PRLR: variants seen among roughly 807,000 people sequenced by gnomAD.
The protein encoded by PRLR is hPRL receptor.
In PRLR, 13 loss-of-function variants were observed where a neutral mutation model predicts 40.2. The ratio of observed to expected loss-of-function variants is 0.32; its 90% CI spans 0.21 to 0.51. The LOEUF is 0.51. PRLR is among the 20% of genes least tolerant of loss of function. The pLI, the probability that PRLR is intolerant of heterozygous loss-of-function variation, is 0.97. For missense variants in PRLR, 656 were observed against 747.3 expected (o/e 0.88, Z 1.42); for synonymous variants, 269 against 278.7 (o/e 0.97, Z 0.35).
At chr5:35,077,396 T>C (rs1056904705) in intron 5 of PRLR, among the ~76,000 whole-genome samples, 4 of 151,264 alleles carry the variant, frequency 2.6e-5, no homozygotes, top group African/African-American at 4.9e-5. Context: ...AAAGCAGGGG[T>C]TGCAATCCTA....
chr5:35,155,697 T>C (rs968992409), intron 1 of PRLR, among the ~76,000 whole-genome samples: 4 of 152,190 alleles, frequency 2.6e-5, no homozygotes, highest in Non-Finnish European at 1.5e-5. Context: ...TTACCGGAGA[T>C]TCCAAAGCTA....
chr5:35,148,662 G>A (rs1195478383), intron 1 of PRLR, among the ~76,000 whole-genome samples: 1 of 152,052 alleles, frequency 6.6e-6, no homozygotes, highest in Non-Finnish European at 1.5e-5. Flanking sequence ...ATGAGCACCT[G>A]GTATGAAATA....
At chr5:35,141,811 C>T (rs568165582) in intron 1 of PRLR, among the ~76,000 whole-genome samples, 1 of 152,256 alleles carries the variant, frequency 6.6e-6, no homozygotes, top group Admixed American at 6.5e-5. Context: ...GCCCTCCCAC[C>T]CCCAACTCCT....
At chr5:35,074,767 AAAC>A (rs965545275) in intron 5 of PRLR, among the ~76,000 whole-genome samples, 1 of 152,074 alleles carries the variant, frequency 6.6e-6, no homozygotes, top group Non-Finnish European at 1.5e-5. Context: ...GCCACAATAA[AAAC>A]AAATGAAGTG....
chr5:35,120,523 G>A (rs1344699174), intron 1 of PRLR, among the ~76,000 whole-genome samples: 1 of 152,130 alleles, frequency 6.6e-6, no homozygotes, highest in African/African-American at 2.4e-5. Context: ...CCATTATGGG[G>A]TGGGGTCCCA....
chr5:35,116,415 C>A (rs891493114), intron 2 of PRLR, among the ~76,000 whole-genome samples: 1 of 152,128 alleles, frequency 6.6e-6, no homozygotes, highest in Non-Finnish European at 1.5e-5. Flanking sequence ...GAATATGTCT[C>A]AAATCTTTTG....
downstream of PRLR, among the ~76,000 whole-genome samples, chr5:35,052,374 A>G (rs1161517150): frequency 6.6e-6 from 1 of 152,228 alleles, no homozygotes; most frequent in African/African-American, 2.4e-5. Context: ...TGTAGAAAAA[A>G]ATTTGAGAAG....
chr5:35,108,313 C>T (rs1772410913), intron 2 of PRLR, among the ~76,000 whole-genome samples: 1 of 152,110 alleles, frequency 6.6e-6, no homozygotes. Flanking sequence ...AAAACTGGCA[C>T]AAGACAGGGA....
chr5:35,216,533 G>A (rs1359179750), intron 1 of PRLR, among the ~76,000 whole-genome samples: 1 of 152,158 alleles, frequency 6.6e-6, no homozygotes, highest in Non-Finnish European at 1.5e-5. Flanking sequence ...CTTGGGCCTA[G>A]CATACCACTC....
chr5:35,106,341 G>A (rs1416288970), intron 2 of PRLR, among the ~76,000 whole-genome samples: 1 of 152,152 alleles, frequency 6.6e-6, no homozygotes, highest in Non-Finnish European at 1.5e-5. Flanking sequence ...TAACCAGCTA[G>A]CATCATAATG....
intron 3 of PRLR, among the ~76,000 whole-genome samples, chr5:35,088,293 A>T (rs1037136939): frequency 2.4e-4 from 37 of 152,230 alleles, no homozygotes; most frequent in Non-Finnish European, 1.5e-5. Flanking sequence ...GGAACAATTT[A>T]TTCAGGATAA....
intron 1 of PRLR, among the ~76,000 whole-genome samples, chr5:35,228,306 G>C (rs577773371): frequency 1.3e-5 from 2 of 149,724 alleles, no homozygotes; most frequent in Non-Finnish European, 2.9e-5. Flanking sequence ...GGAAAACTCA[G>C]AGGCTTGCTC....
chr5:35,089,517 G>T, intron 3 of PRLR, 34 bp downstream of exon 3: 4 of 1,461,324 alleles, frequency 2.7e-6, no homozygotes, highest in Non-Finnish European at 3.8e-6. Flanking sequence ...AACACCCCAG[G>T]CAATGAAAGA....
intron 2 of PRLR, among the ~76,000 whole-genome samples, chr5:35,109,493 T>G (rs1405472542): frequency 1.3e-5 from 2 of 152,140 alleles, no homozygotes; most frequent in African/African-American, 4.8e-5. Flanking sequence ...ATATTCAGAA[T>G]CTACAAAGAA....
chr5:35,128,892 A>G (rs1303362268), intron 1 of PRLR, among the ~76,000 whole-genome samples: 3 of 152,160 alleles, frequency 2.0e-5, no homozygotes, highest in African/African-American at 7.2e-5. Flanking sequence ...CACAACTCTC[A>G]GGCAAGACCT....
rs113256007 is a variant in PRLR at position 35,086,560 on chromosome 5, G to GGTGTGTGTGTGTGTGT, written c.71-236_71-221dup. On this transcript the variant is annotated intron_variant, in intron 3 of 9. Coordinates refer to ENST00000618457, the MANE Select transcript of PRLR (RefSeq NM_000949.7). ...CATTGCTCTTAGAGAGCATTTTGCT[G>GGTGTGTGTGTGTGTGT]GTGTGTGTGTGTGTGTGTGTGTGTG... Among the ~76,000 whole-genome samples, 99 of 148,184 alleles carry GGTGTGTGTGTGTGTGT rather than the reference G, an allele frequency of 6.7e-4. 1 individual carries two copies. The highest frequency in any genetic ancestry group is 2.3e-3 in the African/African-American group (93 of 40,562).
Position 35,072,666 on chromosome 5 carries a change from C to A in PRLR, c.452G>T (p.Trp151Leu). ...TAAGTCAATCAGGGTAGGTGGAGAC[C>A]ATTTAATCCACAGGTAGGGTTTTCT... Reference protein sequence around the residue: ...EDRKPYLWIKWSPPTLIDLKT... With the variant: ...EDRKPYLWIKLSPPTLIDLKT... Residue 151 changes from tryptophan to leucine, a missense_variant, in exon 6 of 10, where the codon TGG becomes TTG. Physicochemically the swap from Trp to Leu is moderately conservative, Grantham distance 61 (BLOSUM62 -2). Coordinates refer to ENST00000618457, the MANE Select transcript of PRLR (RefSeq NM_000949.7). 1 of 1,614,140 alleles carries A rather than the reference C, an allele frequency of 6.2e-7. No homozygotes were observed. The highest frequency in any genetic ancestry group is 8.5e-7 in the Non-Finnish European group (1 of 1,180,004).
chr5:35,049,468 T>C (rs1768402011), intron 8 of PRLR: 1 of 673,306 alleles, frequency 1.5e-6, no homozygotes, highest in African/African-American at 1.8e-5. Flanking sequence ...AGTGGGAGGT[T>C]ATACCTCTTT....
At chr5:35,111,597 T>C (rs1463187472) in intron 2 of PRLR, among the ~76,000 whole-genome samples, 1 of 152,188 alleles carries the variant, frequency 6.6e-6, no homozygotes, top group Non-Finnish European at 1.5e-5. Context: ...TTCATTTTGG[T>C]ATTTATAAAA....
Sources: gnomAD v4.1 joint callset for allele counts (sites outside exome capture counted in the v4.1 genomes callset) on GRCh38, gnomAD v4.1.1 for gene constraint, MANE v1.5 for transcripts, NCBI Gene and HGNC (gene_info 2026-07-23, HGNC 2026-07-21) for gene names.